Variants in KCND2 observed in about 807,000 individuals in gnomAD.
The protein encoded by KCND2 is A-type voltage-gated potassium channel KCND2.
A neutral mutation model predicts 54.4 loss-of-function variants in KCND2; 16 were observed. The observed-to-expected ratio is 0.29, with a 90% CI of 0.20 to 0.45. The LOEUF (loss-of-function observed/expected upper bound fraction) is 0.45. Ranked by LOEUF, KCND2 falls within the 20% of genes least tolerant of loss-of-function variation. The pLI is 1.00. For synonymous variants in KCND2, 317 were observed against 310.7 expected, an observed-to-expected ratio of 1.02 and a Z score of -0.21; for missense variants, 486 against 824.2, an observed-to-expected ratio of 0.59 and a Z score of 5.02.
Position 120,275,571 on chromosome 7 carries a change from G to C in KCND2, c.939G>C (p.Leu313=), listed in dbSNP as rs1303676765. 2 of 1,613,698 alleles carry C rather than the reference G, an allele frequency of 1.2e-6. No individual in the cohort carries two copies. Among genetic ancestry groups the C allele is most frequent in the Non-Finnish European group, 1.7e-6 (2 of 1,179,990 alleles). Residue 313 remains leucine (L), a synonymous_variant, in exon 1 of 6, where the codon CTG becomes CTC. Transcript: ENST00000331113. ...FSRHSQGLRI[L]GYTLKSCASE... The stretch of plus-strand genomic sequence containing the variant: ...GCCACTCTCAAGGCCTGCGCATCCT[G>C]GGGTACACACTGAAGAGTTGTGCCT...
intron 1 of KCND2, among the ~76,000 whole-genome samples, chr7:120,714,337 A>G (rs1792576889): frequency 6.6e-6 from 1 of 152,222 alleles, no homozygotes; most frequent in South Asian, 2.1e-4. Context: ...TACTGCTTCT[A>G]TCTGATTGTG....
Position 120,505,288 on chromosome 7 carries a change from C to T in KCND2, c.1116-227615C>T, listed in dbSNP as rs1175633162. On this transcript the variant is annotated intron_variant, in intron 1 of 5. Coordinates refer to ENST00000331113, the MANE Select transcript of KCND2 (RefSeq NM_012281.3). ...AGTCCTCCCTCCCTCTTCCCCTTAA[C>T]ATCTATCTTAGGAATCTTCAAAAGC... Among the ~76,000 whole-genome samples the T allele has an allele frequency of 3.3e-5, 5 of 151,750 alleles. No individual in the cohort carries two copies. In the East Asian group the frequency reaches 9.7e-4, roughly 29 times the overall value.
In KCND2 at chr7:120,374,459, G is replaced by T. The variant is rs140702756; in HGVS notation, c.1115+98712G>T. Among the ~76,000 whole-genome samples the T allele has an allele frequency of 3.7e-4, 56 of 151,808 alleles. 1 individual carries two copies. Among genetic ancestry groups the T allele is most frequent in the African/African-American group, 1.2e-3 (51 of 41,484 alleles). On this transcript the variant is annotated intron_variant, in intron 1 of 5. Coordinates refer to ENST00000331113, the MANE Select transcript of KCND2 (RefSeq NM_012281.3). ...CGAACTAGGGTTAATTACGTTTTCT[G>T]TGATAATTTTAAGATATTTCTTAGT...
chr7:120,641,754 C>CT (rs5886998), intron 1 of KCND2, among the ~76,000 whole-genome samples: 41,054 of 129,654 alleles, frequency 0.32, 7,295 homozygotes, highest in Middle Eastern at 0.4. Context: ...CAAGCATATT[C>CT]TTTTTTTTTT....
At chr7:120,406,002 G>A (rs1801350270) in intron 1 of KCND2, among the ~76,000 whole-genome samples, 1 of 151,862 alleles carries the variant, frequency 6.6e-6, no homozygotes, top group Admixed American at 6.6e-5. Flanking sequence ...TCTCAGTTAT[G>A]TGTTTTCAGG....
intron 2 of KCND2, among the ~76,000 whole-genome samples, chr7:120,738,138 A>AATACAAGATT (rs1792897249): frequency 6.6e-6 from 1 of 152,114 alleles, no homozygotes; most frequent in Admixed American, 6.6e-5. Context: ...AGTACTTCAC[A>AATACAAGATT]ATACAAGATT....
At chr7:120,432,432 T>G (rs1448495750) in intron 1 of KCND2, among the ~76,000 whole-genome samples, 1 of 152,154 alleles carries the variant, frequency 6.6e-6, no homozygotes, top group Non-Finnish European at 1.5e-5. Context: ...TGCTTAGTTT[T>G]GGGGAGGCAT....
chr7:120,275,867 G>A (rs1421915906), intron 1 of KCND2, 120 bp downstream of exon 1: 15 of 1,147,114 alleles, frequency 1.3e-5, no homozygotes, highest in Non-Finnish European at 1.8e-5. Flanking sequence ...GTTTAGGAAA[G>A]CATTATCTAA....
At chr7:120,501,045 A>G (rs997280568) in intron 1 of KCND2, among the ~76,000 whole-genome samples, 1 of 151,942 alleles carries the variant, frequency 6.6e-6, no homozygotes, top group Non-Finnish European at 1.5e-5. Context: ...TCAAATGTAT[A>G]CCCTAAAGCT....
intron 1 of KCND2, among the ~76,000 whole-genome samples, chr7:120,447,951 C>A (rs1431483344): frequency 6.6e-6 from 1 of 151,850 alleles, no homozygotes; most frequent in Non-Finnish European, 1.5e-5. Flanking sequence ...GATTAGATAA[C>A]CACCTTGATT....
Position 120,749,990 on chromosome 7 carries a change from A to G in KCND2, c.*2132A>G, listed in dbSNP as rs1219982192. On this transcript the variant is annotated 3_prime_UTR_variant, in exon 6 of 6. Coordinates refer to ENST00000331113, the MANE Select transcript of KCND2 (RefSeq NM_012281.3). ...AAGAAAATGCAGTTAGGTTATTTCA[A>G]TTGACAATTCTGCCTCCTCTTTTGA... The G allele has an allele frequency of 6.6e-6, 1 of 151,950 alleles. No homozygotes were observed. The highest frequency in any genetic ancestry group is 2.4e-5 in the African/African-American group (1 of 41,452). 9.4% of individuals were successfully genotyped at this position (151,950 alleles called of 1,614,324 possible).
chr7:120,348,306 G>C lies in KCND2; in HGVS notation c.1115+72559G>C, dbSNP rs576079315. ...TCCCTAAACAAGCTGATAGAGGCAT[G>C]GTTTCTGGGGAGGCTGAGTTGACTT... is the stretch of plus-strand genomic sequence containing the variant. On this transcript the variant is annotated intron_variant, in intron 1 of 5. Transcript: ENST00000331113. 5.8e-4 allele frequency among the ~76,000 whole-genome samples: 88 copies of C among 152,210 alleles called. 1 individual carries two copies. Among genetic ancestry groups the C allele is most frequent in the Admixed American group, 5.0e-3 (76 of 15,300 alleles).
At chr7:120,488,178 G>C (rs915608224) in intron 1 of KCND2, among the ~76,000 whole-genome samples, 1 of 152,104 alleles carries the variant, frequency 6.6e-6, no homozygotes, top group Non-Finnish European at 1.5e-5. Flanking sequence ...CTGGGCAACA[G>C]AGTGAGACCC....
At chr7:120,735,622 C>G (rs1792860581) in intron 2 of KCND2, among the ~76,000 whole-genome samples, 1 of 151,992 alleles carries the variant, frequency 6.6e-6, no homozygotes, top group Admixed American at 6.6e-5. Context: ...TACTAAAATA[C>G]ATTTAGAAAT....
At position 120,332,888 on chromosome 7, in the gene KCND2, A is replaced by G. The variant is rs369885997; in HGVS notation, c.1115+57141A>G. On this transcript the variant is annotated intron_variant, in intron 1 of 5. Transcript: ENST00000331113. ...TTATAACAAGCAAAAAGAGACCTAGACAAGCCTTTTAAATTAAGCAAACTC... is the reference window on the plus strand; with the variant it reads ...TTATAACAAGCAAAAAGAGACCTAGGCAAGCCTTTTAAATTAAGCAAACTC... Among the ~76,000 whole-genome samples, 100 of 152,228 alleles carry G rather than the reference A, an allele frequency of 6.6e-4. No homozygotes were observed. In the Middle Eastern group the frequency reaches 0.01, roughly 16 times the overall value.
At chr7:120,741,064 A>T (rs945904142) in intron 2 of KCND2, among the ~76,000 whole-genome samples, 1 of 151,366 alleles carries the variant, frequency 6.6e-6, no homozygotes, top group African/African-American at 2.4e-5. Context: ...AAAAAAAAAG[A>T]AAGGAAGGAA....
intron 1 of KCND2, among the ~76,000 whole-genome samples, chr7:120,629,459 C>T (rs937754047): frequency 6.6e-6 from 1 of 151,794 alleles, no homozygotes; most frequent in Non-Finnish European, 1.5e-5. Flanking sequence ...GCACTCCATC[C>T]TGGGCGACAG....
chr7:120,339,503 CTGTGTGTGTGTGTGTGTG>C lies in KCND2; in HGVS notation c.1115+63776_1115+63793del, dbSNP rs10525061. Among the ~76,000 whole-genome samples, 73 of 149,492 alleles carry C rather than the reference CTGTGTGTGTGTGTGTGTG, an allele frequency of 4.9e-4. 1 individual carries two copies. Among genetic ancestry groups the C allele is most frequent in the Admixed American group, 2.3e-3 (35 of 15,002 alleles). On this transcript the variant is annotated intron_variant, in intron 1 of 5. Coordinates refer to ENST00000331113, the MANE Select transcript of KCND2 (RefSeq NM_012281.3). ...CAGATTTCCAATTCTCTTTAGAAGG[CTGTGTGTGTGTGTGTGTG>C]TGTGTGTGTGTGTGTGTGTCTGCGT...
At chr7:120,519,362 A>C (rs1331635975) in intron 1 of KCND2, among the ~76,000 whole-genome samples, 1 of 152,006 alleles carries the variant, frequency 6.6e-6, no homozygotes, top group East Asian at 1.9e-4. Flanking sequence ...CAAAAACAAA[A>C]ACAAAACCTG....
Sources: gnomAD v4.1 joint callset for allele counts (sites outside exome capture counted in the v4.1 genomes callset) on GRCh38, gnomAD v4.1.1 for gene constraint, MANE v1.5 for transcripts, NCBI Gene and HGNC (gene_info 2026-07-23, HGNC 2026-07-21) for gene names.